The following AQR variants were observed in gnomAD, a reference collection of about 807,000 sequenced individuals.
AQR encodes RNA helicase aquarius.
AQR carries 61 observed loss-of-function variants against 180.5 expected under a neutral mutation model. The observed-to-expected ratio is 0.34, with a 90% CI of 0.28 to 0.42. The LOEUF is 0.42. AQR is among the 10% of genes least tolerant of loss of function. The probability of loss-of-function intolerance (pLI) is 1.00; values close to 1 mark genes in which losing one functional copy is unlikely to be tolerated. For synonymous variants in AQR, 551 were observed against 588.8 expected (o/e 0.94, Z 0.93); for missense variants, 1,281 against 1,798.3 (o/e 0.71, Z 5.20).
At chr15:34,961,673 AAAAAAG>A (rs1280980558) in intron 2 of AQR, among the ~76,000 whole-genome samples, 1 of 150,042 alleles carries the variant, frequency 6.7e-6, no homozygotes, top group Non-Finnish European at 1.5e-5. Context: ...AAAAAAAAAA[AAAAAAG>A]AAAAAAAGAA....
Position 34,867,525 on chromosome 15 carries a change from T to C in AQR, c.3853A>G (p.Arg1285Gly), listed in dbSNP as rs1179745048. Residue 1285 changes from arginine to glycine, a missense_variant and splice_region_variant, in exon 32 of 35, where the codon AGG (arginine) becomes GGG (glycine). Around this residue, in one of 9 missense-constraint regions of AQR, gnomAD observed 197 missense variants for 320.7 expected, o/e 0.61. Transcript: ENST00000156471. ...LVRTRAVGHL[R>G]DVRRLVVAMS... ...TTATGAAAGTTTTTTCCTACGTACC[T>C]CAGATGGCCCACTGCCCTGGTTCGT... The C allele has an allele frequency of 6.2e-7, 1 of 1,611,830 alleles. No homozygotes were observed.
intron 15 of AQR, among the ~76,000 whole-genome samples, chr15:34,916,909 A>G (rs1169467010): frequency 1.3e-5 from 2 of 148,704 alleles, no homozygotes; most frequent in East Asian, 3.9e-4. Context: ...AAAGAAAGAA[A>G]GAAAAAAAGG....
chr15:34,934,989 G>A (rs918317811), intron 9 of AQR, among the ~76,000 whole-genome samples: 1 of 152,088 alleles, frequency 6.6e-6, no homozygotes, highest in African/African-American at 2.4e-5. Context: ...TTTTATATCA[G>A]GTTTTGCTTC....
rs146584067 is a variant in AQR at position 34,953,676 on chromosome 15, G to C, written c.174-756C>G. On this transcript the variant is annotated intron_variant, in intron 3 of 34. Coordinates refer to ENST00000156471, the MANE Select transcript of AQR (RefSeq NM_014691.3). ...AGGCAGCCAAGATGCTAAGTGGATA[G>C]GCCATCTTGAGTGACACACTCTAAA... Among the ~76,000 whole-genome samples the C allele has an allele frequency of 2.8e-3, 420 of 152,312 alleles. 1 individual carries two copies. Among genetic ancestry groups the C allele is most frequent in the African/African-American group, 9.6e-3 (398 of 41,562 alleles).
chr15:34,877,192 G>T (rs907694143), intron 27 of AQR, among the ~76,000 whole-genome samples: 1 of 152,096 alleles, frequency 6.6e-6, no homozygotes, highest in Non-Finnish European at 1.5e-5. Flanking sequence ...TTCTCATTTA[G>T]ATCTATTATC....
chr15:34,956,001 A>G (rs1894309186), intron 3 of AQR, among the ~76,000 whole-genome samples: 1 of 152,060 alleles, frequency 6.6e-6, no homozygotes, highest in African/African-American at 2.4e-5. Flanking sequence ...CCAAAATTAT[A>G]GTGTTCTTGT....
At chr15:34,903,344 G>A (rs912922260) in intron 19 of AQR, among the ~76,000 whole-genome samples, 5 of 152,066 alleles carry the variant, frequency 3.3e-5, no homozygotes, top group African/African-American at 1.2e-4. Context: ...ATGTTAAGTG[G>A]GGGTATCAAA....
chr15:34,917,722 CCT>C (rs999149274), intron 15 of AQR, among the ~76,000 whole-genome samples: 11 of 151,836 alleles, frequency 7.2e-5, no homozygotes, highest in Admixed American at 1.3e-4. Flanking sequence ...GTGGTTCACA[CCT>C]ATAATCCCAG....
intron 30 of AQR, among the ~76,000 whole-genome samples, chr15:34,873,502 G>A (rs1402416708): frequency 6.6e-6 from 1 of 151,946 alleles, no homozygotes; most frequent in African/African-American, 2.4e-5. Flanking sequence ...GTTAAATATT[G>A]AAATAAATTT....
chr15:34,856,384 T>C lies in AQR; in HGVS notation c.*408A>G, dbSNP rs1892586148. 2.5e-6 allele frequency: 1 copy of C among 396,490 alleles called. No homozygotes were observed. 24.6% of individuals were successfully genotyped at this position (396,490 alleles called of 1,614,324 possible). On this transcript the variant is annotated 3_prime_UTR_variant, in exon 35 of 35. Transcript: ENST00000156471. ...AAGGAAACAGAATTTAAGCATTTGATAGTATAACAGAAGAAACAAGTTCCT... is the reference window on the plus strand; with the variant it reads ...AAGGAAACAGAATTTAAGCATTTGACAGTATAACAGAAGAAACAAGTTCCT...
In AQR at chr15:34,878,893, T is replaced by C. The variant is rs552036135; in HGVS notation, c.3166-2887A>G. Among the ~76,000 whole-genome samples, 3 of 152,228 alleles carry C rather than the reference T, an allele frequency of 2.0e-5. No individual in the cohort carries two copies. In the South Asian group the frequency reaches 6.2e-4, roughly 32 times the overall value. On this transcript the variant is annotated intron_variant, in intron 27 of 34. Transcript: ENST00000156471. Reference sequence around the variant, plus strand: ...AAATACAAAAATTAGCTGGGCCTGGTGGCGGGTGCCTGTAATCCCAGCTAC... The same window carrying C: ...AAATACAAAAATTAGCTGGGCCTGGCGGCGGGTGCCTGTAATCCCAGCTAC...
chr15:34,934,544 A>T (rs1336193001), intron 10 of AQR, 27 bp downstream of exon 10: 1 of 1,549,996 alleles, frequency 6.5e-7, no homozygotes, highest in African/African-American at 1.4e-5. Context: ...TGATTATATA[A>T]CAAAAAAGTC....
chr15:34,946,974 G>A (rs1320513151), intron 5 of AQR, among the ~76,000 whole-genome samples: 1 of 152,082 alleles, frequency 6.6e-6, no homozygotes, highest in African/African-American at 2.4e-5. Context: ...GAAGTGAGGA[G>A]CCCCTCTGCC....
intron 32 of AQR, among the ~76,000 whole-genome samples, chr15:34,865,344 T>C (rs1198349174): frequency 6.6e-6 from 1 of 152,114 alleles, no homozygotes; most frequent in Non-Finnish European, 1.5e-5. Context: ...GGACCAGAAC[T>C]GTCCCACTAC....
At chr15:34,892,105 G>A (rs951342070) in intron 23 of AQR, among the ~76,000 whole-genome samples, 2 of 152,016 alleles carry the variant, frequency 1.3e-5, no homozygotes, top group Non-Finnish European at 2.9e-5. Flanking sequence ...CATAAACTCC[G>A]AGAAAAAACT....
intron 19 of AQR, among the ~76,000 whole-genome samples, chr15:34,903,513 T>C (rs888507917): frequency 6.6e-6 from 1 of 152,136 alleles, no homozygotes. Flanking sequence ...ACTGATAGAT[T>C]AGAGGTAGAG....
chr15:34,874,556 GA>G lies in AQR; in HGVS notation c.3425+120del. ...CGACAAAAGTGCTTTTGGATTTATG[GA>G]TAGCCAAGTTCCTGGATAGCCAAGA... is the stretch of plus-strand genomic sequence containing the variant. On this transcript the variant is annotated intron_variant, in intron 29 of 34. Coordinates refer to ENST00000156471, the MANE Select transcript of AQR (RefSeq NM_014691.3). 2.5e-6 allele frequency: 3 copies of G among 1,199,348 alleles called. No individual in the cohort carries two copies. In the East Asian group the frequency reaches 7.5e-5, roughly 30 times the overall value. 74.3% of individuals were successfully genotyped at this position (1,199,348 alleles called of 1,614,324 possible).
In AQR at chr15:34,884,751, T is replaced by C. The variant is rs368858259; in HGVS notation, c.2818-17A>G. On this transcript the variant is annotated splice_polypyrimidine_tract_variant and intron_variant, in intron 25 of 34. Transcript: ENST00000156471. ...AGACATTACCTGTAGAAAAAAGGAC[T>C]TGAAGTTAACTGCCAGCTAATTATG... 25 of 1,573,000 alleles carry C rather than the reference T, an allele frequency of 1.6e-5. No homozygotes were observed. In the African/African-American group the frequency reaches 2.1e-4, roughly 13 times the overall value.
chr15:34,964,398 C>A, intron 1 of AQR, 108 bp from the exon 2 acceptor site: 2 of 903,582 alleles, frequency 2.2e-6, no homozygotes, highest in Non-Finnish European at 1.8e-6. Flanking sequence ...CTACTCGGCA[C>A]TGGGGGACAG....
Sources: gnomAD v4.1 joint callset for allele counts (sites outside exome capture counted in the v4.1 genomes callset) on GRCh38, gnomAD v4.1.1 for gene constraint, gnomAD v4.1.1 regional missense constraint, MANE v1.5 for transcripts, NCBI Gene and HGNC (gene_info 2026-07-23, HGNC 2026-07-21) for gene names.